The following DLG1 variants were observed in gnomAD, a reference collection of about 807,000 sequenced individuals.
DLG1 encodes discs large MAGUK scaffold protein 1.
A neutral mutation model predicts 123.4 loss-of-function variants in DLG1; 42 were observed. That is an observed-to-expected ratio of 0.34 (90% confidence interval 0.27 to 0.44). The LOEUF (loss-of-function observed/expected upper bound fraction) is 0.44. Ranked by LOEUF, DLG1 falls within the 20% of genes least tolerant of loss-of-function variation. DLG1 has a pLI of 1.00. For synonymous variants in DLG1, 317 were observed against 356.2 expected (o/e 0.89, Z 1.24); for missense variants, 942 against 1,082.6 (o/e 0.87, Z 1.82).
At chr3:197,177,617 T>A (rs1479793588) in intron 5 of DLG1, among the ~76,000 whole-genome samples, 1 of 152,086 alleles carries the variant, frequency 6.6e-6, no homozygotes, top group African/African-American at 2.4e-5. Context: ...GTGGGAATAG[T>A]CAGAAAATAA....
At chr3:197,247,141 G>A (rs576664630) in intron 4 of DLG1, among the ~76,000 whole-genome samples, 2 of 152,348 alleles carry the variant, frequency 1.3e-5, no homozygotes, top group South Asian at 4.1e-4. Context: ...TCTCCAAGGG[G>A]CACTTCCCTT....
intron 4 of DLG1, among the ~76,000 whole-genome samples, chr3:197,214,541 C>G (rs962398465): frequency 1.3e-5 from 2 of 151,930 alleles, no homozygotes; most frequent in Non-Finnish European, 2.9e-5. Context: ...CCACTGCACT[C>G]TAGCCTGGGC....
chr3:197,086,060 G>A (rs891761440), intron 15 of DLG1, among the ~76,000 whole-genome samples: 2 of 152,008 alleles, frequency 1.3e-5, no homozygotes, highest in Non-Finnish European at 2.9e-5. Context: ...AATCCAGAGA[G>A]TTTGAAATTA....
intron 4 of DLG1, among the ~76,000 whole-genome samples, chr3:197,215,550 C>T (rs964782399): frequency 6.6e-6 from 1 of 151,542 alleles, no homozygotes; most frequent in African/African-American, 2.4e-5. Flanking sequence ...TTAAAATTAC[C>T]AACTGATTCT....
chr3:197,195,664 T>C (rs1722097792), intron 4 of DLG1, among the ~76,000 whole-genome samples: 1 of 152,144 alleles, frequency 6.6e-6, no homozygotes, highest in Admixed American at 6.5e-5. Flanking sequence ...CACTTGTAAG[T>C]GGGAGCTAAA....
intron 4 of DLG1, among the ~76,000 whole-genome samples, chr3:197,216,363 G>C (rs1388824961): frequency 6.6e-6 from 1 of 152,082 alleles, no homozygotes; most frequent in African/African-American, 2.4e-5. Flanking sequence ...TTGCTGGCAG[G>C]ACTTATGAGA....
intron 4 of DLG1, among the ~76,000 whole-genome samples, chr3:197,276,520 A>G (rs1043579964): frequency 4.6e-5 from 7 of 152,178 alleles, no homozygotes; most frequent in African/African-American, 1.7e-4. Flanking sequence ...GCATTTCTTC[A>G]TAGGCTTATT....
At chr3:197,285,504 C>A (rs1771421714) in intron 3 of DLG1, among the ~76,000 whole-genome samples, 1 of 151,738 alleles carries the variant, frequency 6.6e-6, no homozygotes. Flanking sequence ...AAAATACTGG[C>A]AAAACACATA....
intron 10 of DLG1, among the ~76,000 whole-genome samples, chr3:197,131,885 G>A (rs1782808418): frequency 6.6e-6 from 1 of 152,042 alleles, no homozygotes; most frequent in South Asian, 2.1e-4. Flanking sequence ...GAGCCACCGC[G>A]CCCGGCCTAT....
chr3:197,069,218 CGGT>C lies in DLG1; in HGVS notation c.2045_2047del (p.Tyr682_Arg683delinsCys). 1 of 1,586,190 alleles carries C rather than the reference CGGT, an allele frequency of 6.3e-7. No individual in the cohort carries two copies. Among genetic ancestry groups the C allele is most frequent in the South Asian group, 1.2e-5 (1 of 86,766 alleles). ...AAGAACAAGTAACTTAAAACACTTA[CGGT>C]AACTACTTTCACTATCGCTGGCATT... On this transcript the variant is annotated inframe_deletion and splice_region_variant, in exon 19 of 25. Transcript: ENST00000667157.
At chr3:197,065,944 C>T (rs1044870626) in intron 20 of DLG1, 135 bp from the exon 21 acceptor site, 1 of 557,698 alleles carries the variant, frequency 1.8e-6, no homozygotes, top group African/African-American at 1.9e-5. Context: ...ACTCTACCAT[C>T]AACCAAAGAT....
At chr3:197,054,223 A>G (rs976301333) in intron 23 of DLG1, among the ~76,000 whole-genome samples, 4 of 152,180 alleles carry the variant, frequency 2.6e-5, no homozygotes, top group Non-Finnish European at 5.9e-5. Flanking sequence ...CAGTGTGGGT[A>G]TCTAAGTTTA....
chr3:197,164,288 T>G (rs1169878126), intron 5 of DLG1, among the ~76,000 whole-genome samples: 2 of 151,726 alleles, frequency 1.3e-5, no homozygotes, highest in Non-Finnish European at 2.9e-5. Context: ...TCCCAGCTAC[T>G]TGGGAGGCTG....
intron 11 of DLG1, among the ~76,000 whole-genome samples, chr3:197,122,595 T>G (rs1777020776): frequency 6.6e-6 from 1 of 152,138 alleles, no homozygotes; most frequent in Non-Finnish European, 1.5e-5. Context: ...TTAGCAAGAT[T>G]GTTGACTAAG....
At chr3:197,167,343 G>A (rs1470034178) in intron 5 of DLG1, among the ~76,000 whole-genome samples, 3 of 152,134 alleles carry the variant, frequency 2.0e-5, no homozygotes, top group African/African-American at 2.4e-5. Flanking sequence ...CAAGTGAAAC[G>A]TCCATTCCAG....
chr3:197,133,599 G>A (rs192768837), intron 10 of DLG1, among the ~76,000 whole-genome samples: 74 of 152,264 alleles, frequency 4.9e-4, no homozygotes, highest in Admixed American at 9.8e-4. Context: ...AAAGTTTTAC[G>A]CCAGAGAAAA....
At chr3:197,200,257 G>T (rs1466202717) in intron 4 of DLG1, among the ~76,000 whole-genome samples, 3 of 152,060 alleles carry the variant, frequency 2.0e-5, no homozygotes, top group Admixed American at 6.5e-5. Context: ...ATACCAGACA[G>T]TTGAACAAAT....
At chr3:197,056,742 T>C (rs1578229336) in intron 23 of DLG1, among the ~76,000 whole-genome samples, 1 of 152,332 alleles carries the variant, frequency 6.6e-6, no homozygotes, top group East Asian at 1.9e-4. Flanking sequence ...TTTCACAAAC[T>C]TACATGTACC....
chr3:197,095,113 C>T (rs1338369216), intron 14 of DLG1, among the ~76,000 whole-genome samples: 1 of 151,906 alleles, frequency 6.6e-6, no homozygotes, highest in African/African-American at 2.4e-5. Context: ...TTTGTTTCTT[C>T]TTACTAATTT....
Sources: allele counts gnomAD v4.1 joint callset (sites outside exome capture counted in the v4.1 genomes callset), GRCh38; gene constraint gnomAD v4.1.1; transcripts MANE v1.5; gene names NCBI Gene and HGNC (gene_info 2026-07-23, HGNC 2026-07-21).